The following ABCA4 variants were observed in gnomAD, a reference collection of about 807,000 sequenced individuals.
The protein encoded by ABCA4 is retinal-specific phospholipid-transporting ATPase ABCA4.
A neutral mutation model predicts 263.7 loss-of-function variants in ABCA4; 196 were observed. The ratio of observed to expected loss-of-function variants is 0.74; its 90% CI spans 0.66 to 0.84. ABCA4 has a LOEUF of 0.84. ABCA4 is among the 40% of genes least tolerant of loss of function. The probability of loss-of-function intolerance (pLI) is 0.00; values close to 1 mark genes in which losing one functional copy is unlikely to be tolerated. For missense variants in ABCA4, 2,792 were observed against 2,855.1 expected (o/e 0.98, Z 0.50); for synonymous variants, 1,133 against 1,094.2 (o/e 1.04, Z -0.70).
intron 36 of ABCA4, among the ~76,000 whole-genome samples, chr1:94,019,019 GTTTTTTTTTTTT>G (rs757258025): frequency 3.9e-5 from 3 of 76,436 alleles, no homozygotes; most frequent in South Asian, 9.3e-4. Flanking sequence ...AAACAACCAG[GTTTTTTTTTTTT>G]TTTTTTTTTT....
chr1:94,055,033 A>T lies in ABCA4; in HGVS notation c.2587+78T>A. On this transcript the variant is annotated intron_variant, in intron 16 of 49. Transcript: ENST00000370225. ...CTGACAAAGAGCTTGGAAGAAATGAAATTTAAACTAGATGAATGGAGAGGG... is the reference window on the plus strand; with the variant it reads ...CTGACAAAGAGCTTGGAAGAAATGATATTTAAACTAGATGAATGGAGAGGG... The T allele has an allele frequency of 7.2e-6, 10 of 1,394,066 alleles. No homozygotes were observed. In the South Asian group the frequency reaches 1.2e-4, roughly 17 times the overall value. 86.4% of individuals were successfully genotyped at this position (1,394,066 alleles called of 1,614,324 possible).
At chr1:94,104,295 C>G (rs114261920) in intron 4 of ABCA4, among the ~76,000 whole-genome samples, 34 of 152,318 alleles carry the variant, frequency 2.2e-4, no homozygotes, top group African/African-American at 7.9e-4. Flanking sequence ...AAATGCCAAT[C>G]TCTTCACCCC....
chr1:94,047,838 T>C (rs1267563614), intron 18 of ABCA4, among the ~76,000 whole-genome samples: 2 of 152,080 alleles, frequency 1.3e-5, no homozygotes, highest in African/African-American at 4.8e-5. Flanking sequence ...CCTCACCGAG[T>C]GCTCTCACTT....
At chr1:94,005,178 G>A (rs962860620) in intron 44 of ABCA4, among the ~76,000 whole-genome samples, 2 of 152,162 alleles carry the variant, frequency 1.3e-5, no homozygotes, top group Admixed American at 6.5e-5. Context: ...ACTCTTAGAC[G>A]TGTGATTGCT....
rs746544815 is a variant in ABCA4, at chr1:94,010,653, G to C, written c.5714+147C>G. ...CCTATTTTAACCCGATCCTCTACTT[G>C]TATTATTGGAGAAAAGCCAGGCTTT... On this transcript the variant is annotated intron_variant, in intron 40 of 49. Transcript: ENST00000370225. The C allele has an allele frequency of 2.6e-6, 3 of 1,158,382 alleles. No homozygotes were observed. The Admixed American group carries it at 5.8e-5, about 22-fold the overall frequency. The allele number at this position is 1,158,382 out of a possible 1,614,324, so 71.8% of individuals were successfully genotyped here.
At chr1:94,119,897 G>T (rs765287473) in intron 1 of ABCA4, among the ~76,000 whole-genome samples, 30 of 151,776 alleles carry the variant, frequency 2.0e-4, no homozygotes, top group African/African-American at 6.3e-4. Flanking sequence ...TTCTCTTCTC[G>T]CCTAAAGCAG....
At chr1:94,001,197 A>G in intron 45 of ABCA4, 92 bp from the exon 46 acceptor site, 1 of 1,010,626 alleles carries the variant, frequency 9.9e-7, no homozygotes, top group Non-Finnish European at 1.5e-6. Context: ...GTGGAGGATG[A>G]GCTGACAGAA....
Position 94,075,233 on chromosome 1 carries a change from T to C in ABCA4, c.1554+2457A>G, listed in dbSNP as rs148460856. 1.0e-3 allele frequency among the ~76,000 whole-genome samples: 153 copies of C among 152,168 alleles called. No individual in the cohort carries two copies. In the Middle Eastern group the frequency reaches 0.01, roughly 10 times the overall value. On this transcript the variant is annotated intron_variant, in intron 11 of 49. Transcript: ENST00000370225. Reference sequence around the variant, plus strand: ...ATGCATGTGGGGCTTAAAACCTAGATGATGGGTTGACAAGTGCAGCAAACC... The same window carrying C: ...ATGCATGTGGGGCTTAAAACCTAGACGATGGGTTGACAAGTGCAGCAAACC...
At chr1:94,025,845 C>T (rs531924811) in intron 30 of ABCA4, among the ~76,000 whole-genome samples, 2 of 152,300 alleles carry the variant, frequency 1.3e-5, no homozygotes, top group South Asian at 4.1e-4. Context: ...TTGGTGAGAG[C>T]AGGGACTTTG....
chr1:94,033,344 G>T (rs1432697324), intron 26 of ABCA4, among the ~76,000 whole-genome samples: 3 of 151,370 alleles, frequency 2.0e-5, no homozygotes, highest in African/African-American at 7.3e-5. Flanking sequence ...GGACCCCTTG[G>T]GCCCAGGAGG....
Position 94,031,816 on chromosome 1 carries a change from G to T in ABCA4, c.4090C>A (p.Gln1364Lys). Residue 1364 changes from glutamine (Q) to lysine (K), a missense_variant, in exon 27 of 50, where the codon CAA becomes AAA. Coordinates refer to ENST00000370225, the MANE Select transcript of ABCA4 (RefSeq NM_000350.3). ...TCCTTGTGGCTGCGGATGGTGTGTT[G>T]GAATCTCTTGACCAGCAGCGCCTGC... ...HVQALLVKRF[Q>K]HTIRSHKDFL... 3 of 1,614,064 alleles carry T rather than the reference G, an allele frequency of 1.9e-6. No homozygotes were observed. Among genetic ancestry groups the T allele is most frequent in the Non-Finnish European group, 2.5e-6 (3 of 1,180,046 alleles).
At chr1:94,096,686 C>G (rs1469038697) in intron 6 of ABCA4, among the ~76,000 whole-genome samples, 1 of 152,222 alleles carries the variant, frequency 6.6e-6, no homozygotes, top group African/African-American at 2.4e-5. Flanking sequence ...GTTCTAGTCT[C>G]CAATGGAAAG....
intron 7 of ABCA4, among the ~76,000 whole-genome samples, 173 bp downstream of exon 7, chr1:94,083,179 T>C (rs1661744754): frequency 6.6e-6 from 1 of 152,222 alleles, no homozygotes; most frequent in African/African-American, 2.4e-5. Context: ...TGCCTCTTAC[T>C]TAAGAGCACA....
chr1:94,040,455 G>A (rs990702874), intron 23 of ABCA4, among the ~76,000 whole-genome samples: 13 of 152,122 alleles, frequency 8.5e-5, no homozygotes, highest in Non-Finnish European at 1.6e-4. Context: ...ATGGACATAG[G>A]AAACCCCAGC....
chr1:94,020,828 C>T (rs1477013168), intron 35 of ABCA4, among the ~76,000 whole-genome samples: 1 of 152,234 alleles, frequency 6.6e-6, no homozygotes, highest in Non-Finnish European at 1.5e-5. Flanking sequence ...GGTAGCAAAG[C>T]TCTGTCGACA....
chr1:94,103,410 G>A (rs538727593), intron 4 of ABCA4, among the ~76,000 whole-genome samples: 2 of 152,320 alleles, frequency 1.3e-5, no homozygotes, highest in Admixed American at 6.5e-5. Context: ...TGTGGGGTTG[G>A]TCTAGGACAG....
chr1:94,021,178 G>A (rs1659884820), intron 35 of ABCA4, 62 bp downstream of exon 35: 3 of 1,606,786 alleles, frequency 1.9e-6, no homozygotes, highest in Non-Finnish European at 2.6e-6. Flanking sequence ...AATCCTCTCA[G>A]GATGTTCAAA....
rs971226795 is a variant in ABCA4 at position 94,098,723 on chromosome 1, G to A, written c.768+71C>T. The A allele has an allele frequency of 1.2e-4, 186 of 1,562,566 alleles. 1 individual carries two copies. The highest frequency in any genetic ancestry group is 1.6e-4 in the Non-Finnish European group (183 of 1,135,392). ...AACACCAGGCTCACGCCCTCCCCAA[G>A]GTCAATTCGTGAGGCTCTGCTACCC... On this transcript the variant is annotated intron_variant, in intron 6 of 49. Coordinates refer to ENST00000370225, the MANE Select transcript of ABCA4 (RefSeq NM_000350.3).
chr1:93,997,149 GTTA>G (rs1659029780), intron 48 of ABCA4, among the ~76,000 whole-genome samples: 5 of 152,150 alleles, frequency 3.3e-5, no homozygotes, highest in Admixed American at 2.6e-4. Context: ...TCAATTTTAT[GTTA>G]TTATATTTTA....
Sources: gnomAD v4.1 joint callset for allele counts (sites outside exome capture counted in the v4.1 genomes callset) on GRCh38, gnomAD v4.1.1 for gene constraint, MANE v1.5 for transcripts, NCBI Gene and HGNC (gene_info 2026-07-23, HGNC 2026-07-21) for gene names.